The following PAQR5 variants were observed in gnomAD, a reference collection of about 807,000 sequenced individuals.
PAQR5 encodes membrane progestin receptor gamma.
Under a neutral mutation model 34.5 loss-of-function variants are expected in PAQR5, and 20 were observed. The observed-to-expected ratio is 0.58, with a 90% CI of 0.41 to 0.84. PAQR5 has a LOEUF of 0.84. Ranked by LOEUF, PAQR5 falls within the 40% of genes least tolerant of loss-of-function variation. PAQR5 has a pLI of 0.00. For synonymous variants in PAQR5, 131 were observed against 155.6 expected (o/e 0.84, Z 1.18); for missense variants, 378 against 412.7 (o/e 0.92, Z 0.73).
At chr15:69,340,337 A>T (rs1442343679) in intron 2 of PAQR5, among the ~76,000 whole-genome samples, 1 of 152,084 alleles carries the variant, frequency 6.6e-6, no homozygotes, top group Non-Finnish European at 1.5e-5. Context: ...CAATACACTG[A>T]TATTTTCTGT....
rs1377331513 is a variant in PAQR5 at position 69,397,692 on chromosome 15, T to C, written c.609+128T>C. 7.1e-6 allele frequency: 5 copies of C among 708,000 alleles called. No homozygotes were observed. The East Asian group carries it at 1.3e-4, about 18-fold the overall frequency. The allele number at this position is 708,000 out of a possible 1,614,324, so 43.9% of individuals were successfully genotyped here. ...AACAAAACAGGAGTCGAGACCCAGG[T>C]GAAGGGGGCCAGCCCCTCCACACCT... On this transcript the variant is annotated intron_variant, in intron 7 of 8. Transcript: ENST00000395407.
intron 1 of PAQR5, among the ~76,000 whole-genome samples, chr15:69,335,981 A>G (rs943188959): frequency 2.6e-5 from 4 of 152,188 alleles, no homozygotes; most frequent in Admixed American, 2.6e-4. Flanking sequence ...ATGTAATGTT[A>G]AAAGATAATG....
chr15:69,347,129 G>A (rs924173526), intron 2 of PAQR5, among the ~76,000 whole-genome samples: 3 of 152,064 alleles, frequency 2.0e-5, no homozygotes, highest in Admixed American at 6.6e-5. Flanking sequence ...GCCTCCAGCT[G>A]CAATTTTTGA....
At chr15:69,347,597 C>A (rs1056343187) in intron 2 of PAQR5, among the ~76,000 whole-genome samples, 1 of 152,180 alleles carries the variant, frequency 6.6e-6, no homozygotes, top group South Asian at 2.1e-4. Context: ...TTACAATCCC[C>A]GCCCCTCCAA....
intron 8 of PAQR5, 106 bp downstream of exon 8, chr15:69,400,221 G>T: frequency 2.6e-6 from 3 of 1,155,158 alleles, no homozygotes; most frequent in South Asian, 1.5e-5. Context: ...GAAGGGCAGA[G>T]AGAGAGGCCA....
intron 4 of PAQR5, among the ~76,000 whole-genome samples, chr15:69,383,255 T>C (rs956556878): frequency 6.9e-6 from 1 of 144,854 alleles, no homozygotes; most frequent in Non-Finnish European, 1.5e-5. Flanking sequence ...ATGTTCATCA[T>C]GGAGGGTGAG....
At chr15:69,359,643 A>T (rs759976888) in intron 2 of PAQR5, among the ~76,000 whole-genome samples, 6 of 152,076 alleles carry the variant, frequency 3.9e-5, no homozygotes. Flanking sequence ...ATCTTTAACT[A>T]CCAGGCCCAG....
chr15:69,299,821 G>A (rs2053488175), intron 1 of PAQR5, among the ~76,000 whole-genome samples: 1 of 152,196 alleles, frequency 6.6e-6, no homozygotes, highest in Non-Finnish European at 1.5e-5. Flanking sequence ...TGGGAGTCGG[G>A]GGTGACAACT....
intron 3 of PAQR5, among the ~76,000 whole-genome samples, chr15:69,366,110 A>G (rs1222010048): frequency 6.6e-6 from 1 of 152,116 alleles, no homozygotes; most frequent in Non-Finnish European, 1.5e-5. Flanking sequence ...GTTAGCAGCC[A>G]TTTTCTATTC....
chr15:69,322,772 G>GAAGAAGAA (rs1566998004), intron 1 of PAQR5, among the ~76,000 whole-genome samples: 3 of 12,942 alleles, frequency 2.3e-4, no homozygotes, highest in African/African-American at 3.5e-4. Flanking sequence ...AAGAAGAAGA[G>GAAGAAGAA]GGAGAAGAAG....
chr15:69,401,154 T>C (rs1454512817), intron 8 of PAQR5: 1 of 152,238 alleles, frequency 6.6e-6, no homozygotes, highest in East Asian at 1.9e-4. Flanking sequence ...GCTCTGGGAC[T>C]GGCTAGGAGG....
rs750015170 is a variant in PAQR5, at chr15:69,389,657, C to T, written c.389C>T (p.Ser130Leu). The T allele has an allele frequency of 6.2e-7, 1 of 1,614,072 alleles. No individual in the cohort carries two copies. The highest frequency in any genetic ancestry group is 8.5e-7 in the Non-Finnish European group (1 of 1,180,012). The change falls in exon 6 of 9, where the codon TCA becomes TTA. Residue 130 changes from serine to leucine, a missense_variant. Coordinates refer to ENST00000395407, the MANE Select transcript of PAQR5 (RefSeq NM_017705.4). ...YGAVNLFSLG[S>L]AIAYSAYTFP... ...AAGGCTGGCTTTTCTTCCCCAGGCT[C>T]AGCCATTGCCTACTCTGCATACACG...
chr15:69,336,298 G>A (rs924341456), intron 1 of PAQR5, among the ~76,000 whole-genome samples: 1 of 152,010 alleles, frequency 6.6e-6, no homozygotes, highest in Non-Finnish European at 1.5e-5. Flanking sequence ...TAATATTTTA[G>A]ATATCAGGTC....
intron 3 of PAQR5, 67 bp downstream of exon 3, chr15:69,360,198 G>C: frequency 8.1e-7 from 1 of 1,227,796 alleles, no homozygotes; most frequent in South Asian, 1.2e-5. Flanking sequence ...TCCGCAATGG[G>C]GGGCTGTTGT....
chr15:69,306,064 C>G (rs1457092298), intron 1 of PAQR5, among the ~76,000 whole-genome samples: 1 of 152,096 alleles, frequency 6.6e-6, no homozygotes, highest in Non-Finnish European at 1.5e-5. Context: ...AGATATAGTG[C>G]CTGCCTGCAG....
At chr15:69,316,478 C>T (rs1015507671) in intron 1 of PAQR5, among the ~76,000 whole-genome samples, 1 of 152,178 alleles carries the variant, frequency 6.6e-6, no homozygotes, top group African/African-American at 2.4e-5. Flanking sequence ...ATTTCAGCCA[C>T]GGGGCTCTTA....
chr15:69,311,038 C>CAAAAAAAAAAAAAAAAAA (rs760679672), intron 1 of PAQR5, among the ~76,000 whole-genome samples: 1 of 36,120 alleles, frequency 2.8e-5, no homozygotes. Flanking sequence ...GACTCCGTCG[C>CAAAAAAAAAAAAAAAAAA]AAAAAATAAA....
At chr15:69,301,105 G>A (rs903046416) in intron 1 of PAQR5, among the ~76,000 whole-genome samples, 39 of 151,174 alleles carry the variant, frequency 2.6e-4, no homozygotes, top group African/African-American at 9.3e-4. Flanking sequence ...CCGGGTTCAA[G>A]CAATTCTCTT....
At chr15:69,330,693 C>T (rs1439479285) in intron 1 of PAQR5, among the ~76,000 whole-genome samples, 1 of 152,230 alleles carries the variant, frequency 6.6e-6, no homozygotes, top group Admixed American at 6.5e-5. Flanking sequence ...AACCACCAAC[C>T]AAGTTATCCT....
Sources: allele counts gnomAD v4.1 joint callset (sites outside exome capture counted in the v4.1 genomes callset), GRCh38; gene constraint gnomAD v4.1.1; transcripts MANE v1.5; gene names NCBI Gene and HGNC (gene_info 2026-07-23, HGNC 2026-07-21).